Variants in DLGAP2 observed in about 807,000 individuals in gnomAD.
DLGAP2 encodes the protein DLG associated protein 2.
A neutral mutation model predicts 100.3 loss-of-function variants in DLGAP2; 26 were observed. The observed-to-expected ratio is 0.26, with a 90% CI of 0.19 to 0.36. DLGAP2 has a LOEUF of 0.36. DLGAP2 is among the 10% of genes least tolerant of loss of function. DLGAP2 has a pLI of 1.00. For missense variants in DLGAP2, 1,858 were observed against 1,453.2 expected, an observed-to-expected ratio of 1.28 and a Z score of -4.53; for synonymous variants, 886 against 630.1, an observed-to-expected ratio of 1.41 and a Z score of -6.08.
At chr8:982,345 A>C (rs924952754) in intron 2 of DLGAP2, among the ~76,000 whole-genome samples, 1 of 152,172 alleles carries the variant, frequency 6.6e-6, no homozygotes, top group Non-Finnish European at 1.5e-5. Flanking sequence ...TTTATTTTCA[A>C]CTAGACTCAA....
intron 12 of DLGAP2, among the ~76,000 whole-genome samples, chr8:1,682,493 G>C (rs1197319196): frequency 7.5e-6 from 1 of 133,262 alleles, no homozygotes; most frequent in Admixed American, 7.7e-5. Flanking sequence ...TTTTTTTTTT[G>C]AGAGGGAGTC....
intron 9 of DLGAP2, 102 bp downstream of exon 9, chr8:1,668,780 G>A: frequency 9.3e-7 from 1 of 1,075,592 alleles, no homozygotes; most frequent in Non-Finnish European, 1.3e-6. Flanking sequence ...CCTTAGCACT[G>A]ACTGTAACCC....
At chr8:1,516,924 A>G (rs184664877) in intron 4 of DLGAP2, among the ~76,000 whole-genome samples, 60 of 152,320 alleles carry the variant, frequency 3.9e-4, no homozygotes, top group African/African-American at 1.4e-3. Context: ...TGTTTGCTTG[A>G]AACAATAAAA....
intron 4 of DLGAP2, among the ~76,000 whole-genome samples, chr8:1,515,376 A>T (rs569373384): frequency 6.6e-6 from 1 of 152,222 alleles, no homozygotes; most frequent in Non-Finnish European, 1.5e-5. Flanking sequence ...CAGCATACAC[A>T]TGCACATACA....
intron 3 of DLGAP2, among the ~76,000 whole-genome samples, chr8:1,349,366 C>T (rs1360779181): frequency 1.3e-5 from 2 of 150,528 alleles, no homozygotes; most frequent in Non-Finnish European, 3.0e-5. Context: ...TCGTGAGCCT[C>T]GTGCCCACAT....
At position 1,216,003 on chromosome 8, in the gene DLGAP2, G is replaced by A. The variant is rs1330708060; in HGVS notation, c.74-42848G>A. 4.6e-5 allele frequency among the ~76,000 whole-genome samples: 7 copies of A among 152,312 alleles called. No homozygotes were observed. The South Asian group carries it at 1.5e-3, about 32-fold the overall frequency. ...GATGGGTTCATTAGGCACATCACCT[G>A]GAGACGTCTAGGCTCATGCAGTGCT... On this transcript the variant is annotated intron_variant, in intron 2 of 14. Coordinates refer to ENST00000637795, the MANE Select transcript of DLGAP2 (RefSeq NM_001346810.2).
At chr8:1,634,510 T>C (rs1309791235) in intron 8 of DLGAP2, among the ~76,000 whole-genome samples, 1 of 152,208 alleles carries the variant, frequency 6.6e-6, no homozygotes, top group Non-Finnish European at 1.5e-5. Context: ...CCGGTTCTGC[T>C]CACTCCTGCC....
At chr8:1,097,748 A>ACCG (rs1804432298) in intron 2 of DLGAP2, among the ~76,000 whole-genome samples, 1 of 110,924 alleles carries the variant, frequency 9.0e-6, no homozygotes, top group African/African-American at 3.7e-5. Flanking sequence ...CTGGGAGCCT[A>ACCG]GGGCAGGCCT....
chr8:1,636,485 AAG>A (rs1002224588), intron 8 of DLGAP2, among the ~76,000 whole-genome samples: 8 of 152,310 alleles, frequency 5.3e-5, no homozygotes, highest in Admixed American at 2.6e-4. Flanking sequence ...CCTTGAATAT[AAG>A]AGGTAGAATA....
intron 2 of DLGAP2, among the ~76,000 whole-genome samples, chr8:974,684 A>T (rs955249864): frequency 6.6e-6 from 1 of 152,212 alleles, no homozygotes; most frequent in Non-Finnish European, 1.5e-5. Flanking sequence ...ATAAATTTTA[A>T]AATATTTCAA....
intron 2 of DLGAP2, among the ~76,000 whole-genome samples, chr8:1,175,120 T>A (rs73532185): frequency 0.072 from 10,949 of 152,244 alleles, 1,144 homozygotes; most frequent in African/African-American, 0.23. Flanking sequence ...CCTTCTGTCT[T>A]CAGATCTGGA....
intron 2 of DLGAP2, among the ~76,000 whole-genome samples, chr8:1,165,816 A>C (rs1282041368): frequency 6.6e-6 from 1 of 151,960 alleles, no homozygotes; most frequent in African/African-American, 2.4e-5. Flanking sequence ...TTCTTTGGCT[A>C]TCATTTCTTA....
At chr8:1,192,592 G>C (rs562385723) in intron 2 of DLGAP2, among the ~76,000 whole-genome samples, 1 of 138,740 alleles carries the variant, frequency 7.2e-6, no homozygotes, top group South Asian at 2.7e-4. Context: ...CCACTCCCAC[G>C]AGTCTGAGTG....
chr8:1,032,432 C>A (rs185164428), intron 2 of DLGAP2, among the ~76,000 whole-genome samples: 1 of 152,318 alleles, frequency 6.6e-6, no homozygotes, highest in East Asian at 1.9e-4. Context: ...GATGGAGAAA[C>A]GTTTGGACAC....
intron 2 of DLGAP2, among the ~76,000 whole-genome samples, chr8:1,050,458 G>T (rs544759851): frequency 6.6e-6 from 1 of 152,306 alleles, no homozygotes; most frequent in East Asian, 1.9e-4. Flanking sequence ...TTCACGCTGG[G>T]CAAAGCTGAG....
At chr8:1,050,142 A>G (rs1048688387) in intron 2 of DLGAP2, among the ~76,000 whole-genome samples, 8 of 152,274 alleles carry the variant, frequency 5.3e-5, no homozygotes, top group African/African-American at 7.2e-5. Context: ...ACGTGTGCCT[A>G]TAGTTTCAGA....
chr8:1,373,503 T>A (rs1283163275), intron 3 of DLGAP2, among the ~76,000 whole-genome samples: 1 of 152,214 alleles, frequency 6.6e-6, no homozygotes, highest in African/African-American at 2.4e-5. Context: ...TGGACACGTC[T>A]GCCCACAAAG....
At chr8:1,106,592 C>G (rs1005007459) in intron 2 of DLGAP2, among the ~76,000 whole-genome samples, 4 of 147,764 alleles carry the variant, frequency 2.7e-5, no homozygotes, top group Non-Finnish European at 4.5e-5. Flanking sequence ...GGAGGGTTTT[C>G]TGCTGAAGGA....
intron 2 of DLGAP2, among the ~76,000 whole-genome samples, chr8:1,158,588 T>C (rs1796835251): frequency 6.6e-6 from 1 of 152,266 alleles, no homozygotes; most frequent in African/African-American, 2.4e-5. Context: ...CTTTGGACGA[T>C]ACCTGTGAAA....
Sources: gnomAD v4.1 joint callset for allele counts (sites outside exome capture counted in the v4.1 genomes callset) on GRCh38, gnomAD v4.1.1 for gene constraint, MANE v1.5 for transcripts, NCBI Gene and HGNC (gene_info 2026-07-23, HGNC 2026-07-21) for gene names.